The following SAE1 variants were observed in gnomAD, a reference collection of about 807,000 sequenced individuals.
The protein encoded by SAE1 is SUMO-activating enzyme subunit 1.
A neutral mutation model predicts 40.6 loss-of-function variants in SAE1; 11 were observed. That is an observed-to-expected ratio of 0.27 (90% CI 0.17 to 0.45). SAE1 has a LOEUF of 0.45. Among genes scored for constraint, SAE1 ranks in the 20% least tolerant of loss-of-function variants. SAE1 has a pLI of 1.00. For synonymous variants in SAE1, 155 were observed against 154.3 expected (o/e 1.00, Z -0.03); for missense variants, 373 against 427.3 (o/e 0.87, Z 1.12).
chr19:47,180,356 G>C (rs1157954288), intron 6 of SAE1: 1 of 430,650 alleles, frequency 2.3e-6, no homozygotes, highest in East Asian at 7.1e-5. Context: ...CTCTAAGAAT[G>C]ATAGGGGCAT....
chr19:47,173,324 C>T (rs1455448199), intron 6 of SAE1, among the ~76,000 whole-genome samples: 1 of 152,164 alleles, frequency 6.6e-6, no homozygotes, highest in Non-Finnish European at 1.5e-5. Flanking sequence ...CAACCATGCA[C>T]CACTGCCTGC....
At position 47,182,496 on chromosome 19, in the gene SAE1, T is replaced by TGTGTGTGTGC. The variant is rs143321323; in HGVS notation, c.733+12574_733+12575insTGTGTGTGCG. On this transcript the variant is annotated intron_variant, in intron 6 of 8. Transcript: ENST00000270225. ...GTGTGTGTGTGTGTGTGTGTGTGTG[T>TGTGTGTGTGC]GCGCGCACGCACGCGCGCGCGCACA... Among the ~76,000 whole-genome samples the TGTGTGTGTGC allele has an allele frequency of 1.7e-3, 243 of 146,034 alleles. 1 individual carries two copies. The highest frequency in any genetic ancestry group is 7.2e-3 in the East Asian group (35 of 4,882).
In SAE1 at chr19:47,143,541, C is replaced by A. The variant is rs200195395; in HGVS notation, c.146C>A (p.Ala49Asp). The part of the protein sequence containing the change: ...VLLVGLKGLG[A>D]EIAKNLILAG... Reference sequence around the variant, plus strand: ...CTTGTCGGCTTGAAAGGACTTGGGGCTGAAATTGCCAAGAATCTCATCTTG... The same window carrying A: ...CTTGTCGGCTTGAAAGGACTTGGGGATGAAATTGCCAAGAATCTCATCTTG... Residue 49 changes from alanine to aspartate, a missense_variant, in exon 2 of 9, where the codon GCT becomes GAT. Around this residue, in one of 3 missense-constraint regions of SAE1, gnomAD observed 351 missense variants for 390.6 expected, o/e 0.90. Transcript: ENST00000270225. The A allele has an allele frequency of 3.8e-5, 61 of 1,613,888 alleles. No homozygotes were observed. Among genetic ancestry groups the A allele is most frequent in the Non-Finnish European group, 5.0e-5 (59 of 1,180,030 alleles).
intron 6 of SAE1, among the ~76,000 whole-genome samples, chr19:47,195,705 C>T (rs80186461): frequency 2.0e-4 from 30 of 150,702 alleles, no homozygotes; most frequent in African/African-American, 6.6e-4. Context: ...TTCTTCCTTC[C>T]CTTTGTTCCT....
In SAE1 at chr19:47,142,684, C is replaced by G. The variant is rs2123191504; in HGVS notation, c.99-810C>G. ...CTGTCATTCCTGTCCCTAGAACATG[C>G]CAAGCACTCCTGCTTCAGGGCTTTT... On this transcript the variant is annotated intron_variant, in intron 1 of 8. Coordinates refer to ENST00000270225, the MANE Select transcript of SAE1 (RefSeq NM_005500.3). 2.0e-5 allele frequency: 3 copies of G among 152,326 alleles called. 1 individual carries two copies. The highest frequency in any genetic ancestry group is 2.0e-4 in the Admixed American group (3 of 15,278). The allele number at this position is 152,326 out of a possible 1,614,324, so 9.4% of individuals were successfully genotyped here.
chr19:47,182,496 T>TGTGTGTGTGTGCGCGCGC lies in SAE1; in HGVS notation c.733+12574_733+12575insTGTGTGTGTGCGCGCGCG, dbSNP rs143321323. Among the ~76,000 whole-genome samples the TGTGTGTGTGTGCGCGCGC allele has an allele frequency of 1.1e-4, 16 of 146,044 alleles. No individual in the cohort carries two copies. The East Asian group carries it at 2.0e-3, about 19-fold the overall frequency. On this transcript the variant is annotated intron_variant, in intron 6 of 8. Coordinates refer to ENST00000270225, the MANE Select transcript of SAE1 (RefSeq NM_005500.3). Reference sequence around the variant, plus strand: ...GTGTGTGTGTGTGTGTGTGTGTGTGTGCGCGCACGCACGCGCGCGCGCACA... The same window carrying TGTGTGTGTGTGCGCGCGC: ...GTGTGTGTGTGTGTGTGTGTGTGTGTGTGTGTGTGTGCGCGCGCGCGCGCACGCACGCGCGCGCGCACA...
chr19:47,195,110 A>G (rs2058605604), intron 6 of SAE1, among the ~76,000 whole-genome samples: 1 of 148,452 alleles, frequency 6.7e-6, no homozygotes, highest in African/African-American at 2.5e-5. Context: ...GCTGGAGTTC[A>G]GTGGCACGAT....
Position 47,191,794 on chromosome 19 carries a change from A to G in SAE1, c.734-5439A>G, listed in dbSNP as rs542164900. 1.4e-4 allele frequency among the ~76,000 whole-genome samples: 22 copies of G among 151,880 alleles called. No individual in the cohort carries two copies. The East Asian group carries it at 1.7e-3, about 12-fold the overall frequency. On this transcript the variant is annotated intron_variant, in intron 6 of 8. Coordinates refer to ENST00000270225, the MANE Select transcript of SAE1 (RefSeq NM_005500.3). ...GAATAGGCCGGGCGCGGTGGCTCACACCTGTAATCCCAGCACTTTGGGAGG... is the reference window on the plus strand; with the variant it reads ...GAATAGGCCGGGCGCGGTGGCTCACGCCTGTAATCCCAGCACTTTGGGAGG...
intron 6 of SAE1, among the ~76,000 whole-genome samples, chr19:47,192,595 T>C (rs535695378): frequency 6.6e-6 from 1 of 151,862 alleles, no homozygotes; most frequent in South Asian, 2.1e-4. Context: ...CAGACTGGAG[T>C]GCAGCGGTGT....
chr19:47,199,192 G>A (rs1466651176), intron 7 of SAE1, among the ~76,000 whole-genome samples: 2 of 151,774 alleles, frequency 1.3e-5, no homozygotes, highest in Admixed American at 6.6e-5. Flanking sequence ...TGAGACCATC[G>A]TGGCTAACAT....
chr19:47,197,475 G>A, intron 7 of SAE1, 98 bp downstream of exon 7: 3 of 1,036,800 alleles, frequency 2.9e-6, no homozygotes, highest in South Asian at 1.7e-5. Flanking sequence ...AAACCCTTCA[G>A]AGAGCACCCT....
chr19:47,177,761 G>C (rs2058479050), intron 6 of SAE1, among the ~76,000 whole-genome samples: 1 of 152,170 alleles, frequency 6.6e-6, no homozygotes, highest in African/African-American at 2.4e-5. Flanking sequence ...ACCATCTTTG[G>C]GGAGTTGTGA....
At chr19:47,201,354 T>G (rs1229715169) in intron 7 of SAE1, among the ~76,000 whole-genome samples, 1 of 136,950 alleles carries the variant, frequency 7.3e-6, no homozygotes, top group Non-Finnish European at 1.5e-5. Flanking sequence ...GCCTGTTATC[T>G]GGTTCCTTTT....
In SAE1 at chr19:47,158,516, G is replaced by A. The variant is rs79323067; in HGVS notation, c.627+3303G>A. Among the ~76,000 whole-genome samples, 333 of 152,280 alleles carry A rather than the reference G, an allele frequency of 2.2e-3. 3 individuals are homozygous for A. The highest frequency in any genetic ancestry group is 7.5e-3 in the African/African-American group (311 of 41,556). ...TGGTGGTAAGGAAGTGCCCAAAAAG[G>A]TTTCCCAGAGGAAGAGTTGTTTGTG... On this transcript the variant is annotated intron_variant, in intron 5 of 8. Coordinates refer to ENST00000270225, the MANE Select transcript of SAE1 (RefSeq NM_005500.3).
chr19:47,155,200 C>CG lies in SAE1; in HGVS notation c.615dup (p.Met206AspfsTer12), dbSNP rs1351330015. 6.2e-7 allele frequency: 1 copy of CG among 1,612,482 alleles called. No individual in the cohort carries two copies. Among genetic ancestry groups the CG allele is most frequent in the Non-Finnish European group, 8.5e-7 (1 of 1,178,876 alleles). On this transcript the variant is annotated frameshift_variant, in exon 5 of 9. Coordinates refer to ENST00000270225, the MANE Select transcript of SAE1 (RefSeq NM_005500.3). LOFTEE classifies it high-confidence loss of function. ...GCAAAACTTGATTCTTCTGAGACAACGATGGTCAAAAAGGTATGTGTAACG... is the reference window on the plus strand; with the variant it reads ...GCAAAACTTGATTCTTCTGAGACAACGGATGGTCAAAAAGGTATGTGTAACG...
intron 2 of SAE1, among the ~76,000 whole-genome samples, chr19:47,145,797 T>C (rs2058252319): frequency 6.6e-6 from 1 of 152,134 alleles, no homozygotes; most frequent in African/African-American, 2.4e-5. Context: ...ACACCACAGG[T>C]GTGAGGCCAC....
chr19:47,158,132 T>G (rs2058335318), intron 5 of SAE1, among the ~76,000 whole-genome samples: 1 of 152,100 alleles, frequency 6.6e-6, no homozygotes, highest in Non-Finnish European at 1.5e-5. Context: ...GTGAAAGGTT[T>G]TCTGGTTAGG....
chr19:47,198,374 A>T (rs755053858), intron 7 of SAE1, among the ~76,000 whole-genome samples: 1 of 152,066 alleles, frequency 6.6e-6, no homozygotes, highest in Non-Finnish European at 1.5e-5. Context: ...GGCCTCCCAA[A>T]GTGCTGAGAT....
At chr19:47,155,279 T>G in intron 5 of SAE1, 66 bp downstream of exon 5, 2 of 1,123,274 alleles carry the variant, frequency 1.8e-6, no homozygotes, top group Non-Finnish European at 2.7e-6. Flanking sequence ...CAATGACGAT[T>G]GAAAAGGATA....
Sources: allele counts gnomAD v4.1 joint callset (sites outside exome capture counted in the v4.1 genomes callset), GRCh38; gene constraint gnomAD v4.1.1; regional missense constraint gnomAD v4.1.1; transcripts MANE v1.5; gene names NCBI Gene and HGNC (gene_info 2026-07-23, HGNC 2026-07-21).